NALF1: variants seen among roughly 807,000 people sequenced by gnomAD.
NALF1 encodes NALCN channel auxiliary factor 1, also known as family with sequence similarity 155 member A.
NALF1 carries 3 observed loss-of-function variants against 48.4 expected under a neutral mutation model. That is an observed-to-expected ratio of 0.06 (90% CI 0.03 to 0.16). The LOEUF (loss-of-function observed/expected upper bound fraction) is 0.16, where lower values mean the gene tolerates loss of function less well. NALF1 is among the 10% of genes least tolerant of loss of function. The pLI, the probability that NALF1 is intolerant of heterozygous loss-of-function variation, is 1.00. For synonymous variants in NALF1, 262 were observed against 245.7 expected, an observed-to-expected ratio of 1.07 and a Z score of -0.62; for missense variants, 526 against 571.5, an observed-to-expected ratio of 0.92 and a Z score of 0.81.
intron 1 of NALF1, among the ~76,000 whole-genome samples, chr13:107,238,894 G>A (rs1285570469): frequency 6.6e-6 from 1 of 152,098 alleles, no homozygotes; most frequent in Non-Finnish European, 1.5e-5. Flanking sequence ...AAGGGGGACC[G>A]TTATTCAGAG....
At chr13:107,219,405 C>A (rs933031686) in intron 1 of NALF1, among the ~76,000 whole-genome samples, 6 of 152,016 alleles carry the variant, frequency 3.9e-5, no homozygotes, top group African/African-American at 1.5e-4. Context: ...ATTTTGGGCT[C>A]CACATCTTGA....
chr13:107,674,454 T>C (rs982490253), intron 1 of NALF1, among the ~76,000 whole-genome samples: 4 of 152,240 alleles, frequency 2.6e-5, no homozygotes, highest in Admixed American at 2.0e-4. Flanking sequence ...CTATAAGGTT[T>C]TGTTCATGCT....
At chr13:107,845,534 CATT>C (rs993184740) in intron 1 of NALF1, among the ~76,000 whole-genome samples, 15 of 152,204 alleles carry the variant, frequency 9.9e-5, no homozygotes, top group African/African-American at 3.6e-4. Context: ...GAATCTGAAA[CATT>C]ATCCCCACAC....
intron 1 of NALF1, among the ~76,000 whole-genome samples, chr13:107,839,488 G>T (rs960656770): frequency 1.3e-5 from 2 of 150,980 alleles, no homozygotes; most frequent in Non-Finnish European, 2.9e-5. Context: ...ATTGTTTGCT[G>T]TTGCCAGGCA....
chr13:107,717,904 T>C (rs1414090765), intron 1 of NALF1, among the ~76,000 whole-genome samples: 1 of 152,178 alleles, frequency 6.6e-6, no homozygotes, highest in Non-Finnish European at 1.5e-5. Flanking sequence ...AAGTAATTTT[T>C]AGCTCTTTCT....
chr13:107,372,334 C>A (rs1308058145), intron 1 of NALF1, among the ~76,000 whole-genome samples: 1 of 152,198 alleles, frequency 6.6e-6, no homozygotes, highest in African/African-American at 2.4e-5. Context: ...ATATGCCATG[C>A]CTCTATTGCA....
intron 1 of NALF1, among the ~76,000 whole-genome samples, chr13:107,695,138 C>T (rs377251230): frequency 7.2e-5 from 11 of 152,030 alleles, no homozygotes; most frequent in Admixed American, 6.6e-4. Flanking sequence ...CTAACTTGAA[C>T]GTTGAGGAAG....
At chr13:107,455,177 T>A (rs1470624702) in intron 1 of NALF1, among the ~76,000 whole-genome samples, 1 of 152,098 alleles carries the variant, frequency 6.6e-6, no homozygotes, top group African/African-American at 2.4e-5. Flanking sequence ...CCCCTTCCAC[T>A]ATGATTGTAA....
chr13:107,790,117 A>G (rs1038334066), intron 1 of NALF1, among the ~76,000 whole-genome samples: 1 of 152,226 alleles, frequency 6.6e-6, no homozygotes, highest in African/African-American at 2.4e-5. Context: ...AGTGGTTCAG[A>G]CATAATATTT....
chr13:107,865,933 A>G lies in NALF1; in HGVS notation c.664T>C (p.Tyr222His), dbSNP rs1419171494. The change falls in exon 1 of 3, where the codon TAC (tyrosine) becomes CAC (histidine). Residue 222 changes from tyrosine (Y) to histidine (H), a missense_variant. Transcript: ENST00000375915. ...PTPLWNLSDF[Y>H]LSFCNSYTLW... ...GTGTAGGAATTACAAAACGAAAGGT[A>G]AAAATCCGACAAGTTCCAGAGCGGA... 1.2e-6 allele frequency: 2 copies of G among 1,614,018 alleles called. No individual in the cohort carries two copies. The highest frequency in any genetic ancestry group is 2.2e-5 in the South Asian group (2 of 91,070).
chr13:107,576,403 C>A (rs1878150027), intron 1 of NALF1, among the ~76,000 whole-genome samples: 1 of 152,134 alleles, frequency 6.6e-6, no homozygotes, highest in Admixed American at 6.5e-5. Flanking sequence ...CTTAAGAAAT[C>A]TTTGCTTGGA....
At chr13:107,332,903 T>C (rs1203160769) in intron 1 of NALF1, among the ~76,000 whole-genome samples, 1 of 152,200 alleles carries the variant, frequency 6.6e-6, no homozygotes, top group Non-Finnish European at 1.5e-5. Flanking sequence ...TGGAGTGTAA[T>C]GGCATGATCT....
At chr13:107,388,535 C>T (rs548778162) in intron 1 of NALF1, among the ~76,000 whole-genome samples, 1 of 152,234 alleles carries the variant, frequency 6.6e-6, no homozygotes, top group South Asian at 2.1e-4. Context: ...ACATTTCATA[C>T]AAAACAAGAC....
intron 1 of NALF1, among the ~76,000 whole-genome samples, chr13:107,319,156 G>A (rs1882206150): frequency 6.6e-6 from 1 of 152,074 alleles, no homozygotes; most frequent in African/African-American, 2.4e-5. Context: ...AGATAGGGCT[G>A]GGCCAACTGG....
At chr13:107,555,231 G>A (rs903437978) in intron 1 of NALF1, among the ~76,000 whole-genome samples, 1 of 151,652 alleles carries the variant, frequency 6.6e-6, no homozygotes, top group Non-Finnish European at 1.5e-5. Flanking sequence ...CAAAACTTAC[G>A]TTGTGAGGGG....
At chr13:107,285,276 T>C (rs1277472320) in intron 1 of NALF1, among the ~76,000 whole-genome samples, 1 of 152,216 alleles carries the variant, frequency 6.6e-6, no homozygotes, top group Admixed American at 6.5e-5. Flanking sequence ...TCATGACACA[T>C]ATGCCCTAGA....
At chr13:107,330,341 C>T (rs187254716) in intron 1 of NALF1, among the ~76,000 whole-genome samples, 4 of 152,268 alleles carry the variant, frequency 2.6e-5, no homozygotes, top group East Asian at 1.9e-4. Context: ...CTCCATTATA[C>T]GTAATATTCA....
At chr13:107,526,516 T>C (rs935782320) in intron 1 of NALF1, among the ~76,000 whole-genome samples, 12 of 152,130 alleles carry the variant, frequency 7.9e-5, no homozygotes, top group Admixed American at 6.6e-5. Context: ...TCCAAGGCAA[T>C]ACAGCAAGCC....
chr13:107,764,390 A>T (rs1877364216), intron 1 of NALF1, among the ~76,000 whole-genome samples: 1 of 152,102 alleles, frequency 6.6e-6, no homozygotes, highest in Non-Finnish European at 1.5e-5. Flanking sequence ...TATATTATAT[A>T]TGTGTGCATA....
Sources: allele counts gnomAD v4.1 joint callset (sites outside exome capture counted in the v4.1 genomes callset), GRCh38; gene constraint gnomAD v4.1.1; transcripts MANE v1.5; gene names NCBI Gene and HGNC (gene_info 2026-07-23, HGNC 2026-07-21).